KCTD18: variants seen among roughly 807,000 people sequenced by gnomAD.
KCTD18 encodes potassium channel tetramerization domain containing 18.
A neutral mutation model predicts 30.4 loss-of-function variants in KCTD18; 22 were observed. The ratio of observed to expected loss-of-function variants is 0.72; its 90% CI spans 0.52 to 1.03. KCTD18 has a LOEUF of 1.03. KCTD18 is among the 50% of genes least tolerant of loss of function. The pLI, the probability that KCTD18 is intolerant of heterozygous loss-of-function variation, is 0.00. For missense variants in KCTD18, 529 were observed against 547.6 expected (o/e 0.97, Z 0.34); for synonymous variants, 186 against 209.0 (o/e 0.89, Z 0.95).
chr2:200,501,748 T>C (rs62279314), intron 3 of KCTD18, among the ~76,000 whole-genome samples: 1 of 151,740 alleles, frequency 6.6e-6, no homozygotes, highest in South Asian at 2.1e-4. Context: ...AGGGATCTAG[T>C]ATTAGAAATA....
intron 3 of KCTD18, among the ~76,000 whole-genome samples, chr2:200,503,269 T>C (rs2029974573): frequency 6.6e-6 from 1 of 152,150 alleles, no homozygotes; most frequent in Non-Finnish European, 1.5e-5. Context: ...TGAATGAAAA[T>C]GGGGCCCTAC....
Position 200,490,098 on chromosome 2 carries a change from C to T in KCTD18, c.*2G>A. The T allele has an allele frequency of 1.3e-6, 2 of 1,553,844 alleles. No individual in the cohort carries two copies. Among genetic ancestry groups the T allele is most frequent in the Non-Finnish European group, 1.7e-6 (2 of 1,146,136 alleles). On this transcript the variant is annotated 3_prime_UTR_variant, in exon 7 of 7. Coordinates refer to ENST00000359878, the MANE Select transcript of KCTD18 (RefSeq NM_152387.4). Reference sequence around the variant, plus strand: ...CGGGAAATTTCAAGTCCACCACTTTCATCAATTTCCCTTGTTCTTCCCGTT... The same window carrying T: ...CGGGAAATTTCAAGTCCACCACTTTTATCAATTTCCCTTGTTCTTCCCGTT...
Position 200,490,566 on chromosome 2 carries a change from C to T in KCTD18, c.815G>A (p.Gly272Asp), listed in dbSNP as rs1282465023. Residue 272 changes from glycine (G) to aspartate (D), a missense_variant, in exon 7 of 7, where the codon GGT (glycine) becomes GAT (aspartate). Physicochemically the swap from Gly to Asp is moderately conservative, Grantham distance 94. Transcript: ENST00000359878. ...EADESVNYKTGPKPVRFLGPS... is the reference protein window; with the variant it reads ...EADESVNYKTDPKPVRFLGPS... ...GCCCAAAAATCTAACTGGCTTAGGA[C>T]CAGTCTTATAGTTCACACTTTCGTC... 6.2e-7 allele frequency: 1 copy of T among 1,601,072 alleles called. No homozygotes were observed. The highest frequency in any genetic ancestry group is 1.1e-5 in the South Asian group (1 of 91,078).
chr2:200,493,299 A>G (rs374863949), intron 5 of KCTD18, 25 bp from the exon 6 acceptor site: 31 of 1,324,974 alleles, frequency 2.3e-5, no homozygotes, highest in Non-Finnish European at 3.2e-5. Context: ...GACATAATTA[A>G]GACAGCTACC....
At chr2:200,491,839 A>C (rs1013676659) in intron 6 of KCTD18, among the ~76,000 whole-genome samples, 65 of 152,182 alleles carry the variant, frequency 4.3e-4, no homozygotes, top group Non-Finnish European at 1.6e-4. Flanking sequence ...ATTAGAGGCG[A>C]TTACAACTTA....
chr2:200,504,970 T>C lies in KCTD18; in HGVS notation c.161-11A>G. The C allele has an allele frequency of 6.2e-7, 1 of 1,605,060 alleles. No homozygotes were observed. Among genetic ancestry groups the C allele is most frequent in the Non-Finnish European group, 8.5e-7 (1 of 1,172,534 alleles). ...CAATAACACAAGCCCCTAGAAAACA[T>C]TCAGTTCAAAAATGATTATAGAGAT... is the stretch of plus-strand genomic sequence containing the variant. On this transcript the variant is annotated splice_polypyrimidine_tract_variant and intron_variant, in intron 2 of 6. Transcript: ENST00000359878.
At chr2:200,503,546 A>C (rs2029987166) in intron 3 of KCTD18, among the ~76,000 whole-genome samples, 1 of 152,208 alleles carries the variant, frequency 6.6e-6, no homozygotes, top group African/African-American at 2.4e-5. Flanking sequence ...AAGATTACAG[A>C]GCTGAGACTT....
chr2:200,506,906 C>A lies in KCTD18; in HGVS notation c.111G>T (p.Met37Ile). ...RESLCRFKDSMLASMFSGRFP... is the reference protein window; with the variant it reads ...RESLCRFKDSILASMFSGRFP... ...AGCGACCACTGAACATAGATGCCAA[C>A]ATGGAGTCCTTGAAGCGGCACAAGG... Residue 37 changes from methionine to isoleucine, a missense_variant, in exon 2 of 7, where the codon ATG becomes ATT. Transcript: ENST00000359878. 1 of 1,614,004 alleles carries A rather than the reference C, an allele frequency of 6.2e-7. No individual in the cohort carries two copies. Among genetic ancestry groups the A allele is most frequent in the Non-Finnish European group, 8.5e-7 (1 of 1,179,994 alleles).
chr2:200,508,726 G>T (rs907277944), intron 1 of KCTD18, among the ~76,000 whole-genome samples: 2 of 152,152 alleles, frequency 1.3e-5, no homozygotes, highest in Non-Finnish European at 2.9e-5. Context: ...TGGGCCAAAG[G>T]TCCAGCCTTC....
chr2:200,507,510 C>T (rs548480437), intron 1 of KCTD18, among the ~76,000 whole-genome samples: 1 of 152,312 alleles, frequency 6.6e-6, no homozygotes, highest in African/African-American at 2.4e-5. Flanking sequence ...GCTCTAGGAT[C>T]TTGGGCAAAT....
chr2:200,493,286 A>G lies in KCTD18; in HGVS notation c.662-12T>C, dbSNP rs1288177440. 12 of 1,480,476 alleles carry G rather than the reference A, an allele frequency of 8.1e-6. No individual in the cohort carries two copies. Among genetic ancestry groups the G allele is most frequent in the Non-Finnish European group, 9.4e-6 (10 of 1,058,206 alleles). 91.7% of individuals were successfully genotyped at this position (1,480,476 alleles called of 1,614,324 possible). On this transcript the variant is annotated splice_polypyrimidine_tract_variant and intron_variant, in intron 5 of 6. Coordinates refer to ENST00000359878, the MANE Select transcript of KCTD18 (RefSeq NM_152387.4). ...CCAGTAGCTAACACCTGGAAGGTAA[A>G]AAGACATAATTAAGACAGCTACCAT...
intron 2 of KCTD18, among the ~76,000 whole-genome samples, chr2:200,505,856 C>T (rs957305667): frequency 6.9e-6 from 1 of 144,560 alleles, no homozygotes; most frequent in African/African-American, 2.5e-5. Flanking sequence ...GATAATTTAG[C>T]AGAATTAAAA....
In KCTD18 at chr2:200,504,898, T is replaced by C; in HGVS notation, c.222A>G (p.Gly74=). 3 of 1,614,132 alleles carry C rather than the reference T, an allele frequency of 1.9e-6. No homozygotes were observed. Among genetic ancestry groups the C allele is most frequent in the Non-Finnish European group, 2.5e-6 (3 of 1,180,016 alleles). The change falls in exon 3 of 7, where the codon GGA becomes GGG. Residue 74 remains glycine (G), a synonymous_variant. Transcript: ENST00000359878. The stretch of plus-strand genomic sequence containing the variant: ...GCTCATCTGTGGGAATCTGAACTTC[T>C]CCATGAAGGTAATCCAAAAGGTATT... ...LFKYLLDYLH[G]EVQIPTDEQT... is the part of the protein sequence containing the mutation.
Position 200,506,883 on chromosome 2 carries a change from C to T in KCTD18, c.134G>A (p.Arg45His), listed in dbSNP as rs367891868. 2.5e-5 allele frequency: 41 copies of T among 1,613,758 alleles called. No individual in the cohort carries two copies. The Admixed American group carries it at 5.0e-4, about 20-fold the overall frequency. ...DSMLASMFSG[R>H]FPLKTDESGA... is the part of the protein sequence containing the mutation. ...TGACTCATCTGTTTTTAGAGGAAAGCGACCACTGAACATAGATGCCAACAT... is the reference window on the plus strand; with the variant it reads ...TGACTCATCTGTTTTTAGAGGAAAGTGACCACTGAACATAGATGCCAACAT... The change falls in exon 2 of 7, where the codon CGC (arginine) becomes CAC (histidine). Residue 45 changes from arginine (R) to histidine (H), a missense_variant. Transcript: ENST00000359878.
At chr2:200,503,297 T>G (rs570600478) in intron 3 of KCTD18, among the ~76,000 whole-genome samples, 2 of 152,348 alleles carry the variant, frequency 1.3e-5, no homozygotes, top group East Asian at 3.9e-4. Flanking sequence ...TGCACTTTCA[T>G]TTAATATTGC....
chr2:200,498,602 T>C (rs1559183736), intron 4 of KCTD18, among the ~76,000 whole-genome samples: 1 of 152,166 alleles, frequency 6.6e-6, no homozygotes, highest in Non-Finnish European at 1.5e-5. Flanking sequence ...TTCTTTCTCT[T>C]CTTTTCTTTT....
Position 200,489,722 on chromosome 2 carries a change from T to C in KCTD18, c.*378A>G, listed in dbSNP as rs2087875572. On this transcript the variant is annotated 3_prime_UTR_variant, in exon 7 of 7. Transcript: ENST00000359878. The stretch of plus-strand genomic sequence containing the variant: ...CCCCCTCCATTTTCCCAGACAGGAA[T>C]ACCTAAGGCCAAACCTCATGCCCAT... The C allele has an allele frequency of 5.5e-6, 1 of 181,694 alleles. No individual in the cohort carries two copies. Among genetic ancestry groups the C allele is most frequent in the African/African-American group, 2.4e-5 (1 of 42,454 alleles). 11.3% of individuals were successfully genotyped at this position (181,694 alleles called of 1,614,324 possible).
intron 5 of KCTD18, 147 bp downstream of exon 5, chr2:200,497,606 A>G (rs2088015084): frequency 1.6e-6 from 1 of 618,452 alleles, no homozygotes; most frequent in Admixed American, 2.8e-5. Context: ...TTGTAAGTAA[A>G]CTGCCTCAGT....
intron 3 of KCTD18, among the ~76,000 whole-genome samples, chr2:200,501,153 T>C (rs2088078265): frequency 6.6e-6 from 1 of 152,142 alleles, no homozygotes; most frequent in Non-Finnish European, 1.5e-5. Context: ...ATTAAAGACT[T>C]AAACGTTAGA....
Sources: allele counts gnomAD v4.1 joint callset (sites outside exome capture counted in the v4.1 genomes callset), GRCh38; gene constraint gnomAD v4.1.1; transcripts MANE v1.5; gene names NCBI Gene and HGNC (gene_info 2026-07-23, HGNC 2026-07-21).